PTDSS1: variants seen among roughly 807,000 people sequenced by gnomAD.
PTDSS1 encodes the protein PSS-1.
In PTDSS1, 45 loss-of-function variants were observed where a neutral mutation model predicts 70.5. The observed-to-expected ratio is 0.64, with a 90% CI of 0.50 to 0.82. PTDSS1 has a LOEUF of 0.82. PTDSS1 is among the 40% of genes least tolerant of loss of function. The pLI is 0.00. For missense variants in PTDSS1, 417 were observed against 586.1 expected (o/e 0.71, Z 2.98); for synonymous variants, 188 against 203.8 (o/e 0.92, Z 0.66).
intron 6 of PTDSS1, among the ~76,000 whole-genome samples, chr8:96,301,768 A>C (rs1279489868): frequency 6.6e-6 from 1 of 151,666 alleles, no homozygotes; most frequent in South Asian, 2.1e-4. Flanking sequence ...CGCCCGCCTC[A>C]GCCTCCCAAA....
intron 1 of PTDSS1, among the ~76,000 whole-genome samples, chr8:96,266,564 C>G (rs1270232160): frequency 6.6e-6 from 1 of 152,168 alleles, no homozygotes; most frequent in Admixed American, 6.5e-5. Context: ...GAAAATGTCC[C>G]CTGATACTGC....
chr8:96,273,061 G>A (rs562452344), intron 1 of PTDSS1, among the ~76,000 whole-genome samples: 2 of 152,122 alleles, frequency 1.3e-5, no homozygotes, highest in African/African-American at 2.4e-5. Flanking sequence ...TATATAGTCT[G>A]GTTTTATAAT....
At chr8:96,330,958 C>CT (rs759661688) in intron 11 of PTDSS1, 68 bp from the exon 12 acceptor site, 180 of 1,409,442 alleles carry the variant, frequency 1.3e-4, no homozygotes, top group Non-Finnish European at 1.7e-4. Context: ...GCATGCTCGC[C>CT]TTTTTGCCCT....
intron 9 of PTDSS1, among the ~76,000 whole-genome samples, chr8:96,310,842 T>C (rs1811200964): frequency 6.6e-6 from 1 of 151,994 alleles, no homozygotes; most frequent in Non-Finnish European, 1.5e-5. Flanking sequence ...CTCGGCTCAC[T>C]GCAACCTCCG....
At chr8:96,330,089 G>A (rs573949962) in intron 10 of PTDSS1, 124 bp from the exon 11 acceptor site, 120 of 898,550 alleles carry the variant, frequency 1.3e-4, no homozygotes, top group South Asian at 2.5e-4. Context: ...ACGTCCAGCC[G>A]TTTTGTAACC....
intron 9 of PTDSS1, among the ~76,000 whole-genome samples, chr8:96,317,465 T>G (rs560470628): frequency 1.3e-5 from 2 of 152,284 alleles, no homozygotes; most frequent in South Asian, 4.1e-4. Context: ...CCAGGTGCAG[T>G]GGCTCATACC....
At chr8:96,308,107 G>A (rs563168661) in intron 8 of PTDSS1, among the ~76,000 whole-genome samples, 1 of 152,316 alleles carries the variant, frequency 6.6e-6, no homozygotes, top group Non-Finnish European at 1.5e-5. Flanking sequence ...GTCCCGAGAG[G>A]AGAGAGAGTT....
intron 2 of PTDSS1, among the ~76,000 whole-genome samples, chr8:96,276,394 A>G (rs1463238723): frequency 2.6e-5 from 4 of 152,148 alleles, no homozygotes; most frequent in Admixed American, 2.6e-4. Flanking sequence ...CAGCTGCTCA[A>G]TCTCTCATTG....
At chr8:96,322,774 T>G (rs1354586570) in intron 10 of PTDSS1, among the ~76,000 whole-genome samples, 1 of 152,154 alleles carries the variant, frequency 6.6e-6, no homozygotes, top group Non-Finnish European at 1.5e-5. Flanking sequence ...CTCATCTAAA[T>G]CAGATATGAG....
chr8:96,317,440 A>G (rs1466725459), intron 9 of PTDSS1, among the ~76,000 whole-genome samples: 2 of 152,138 alleles, frequency 1.3e-5, no homozygotes. Flanking sequence ...GGTCTTCAGA[A>G]AAACTTCAGG....
intron 2 of PTDSS1, among the ~76,000 whole-genome samples, chr8:96,282,695 A>G (rs1325832978): frequency 6.6e-6 from 1 of 152,236 alleles, no homozygotes; most frequent in Admixed American, 6.5e-5. Context: ...AATATATTTC[A>G]ATGTGGTCTT....
Position 96,293,647 on chromosome 8 carries a change from C to A in PTDSS1, c.442-1451C>A, listed in dbSNP as rs535482159. Among the ~76,000 whole-genome samples the A allele has an allele frequency of 5.9e-5, 9 of 152,376 alleles. No individual in the cohort carries two copies. The East Asian group carries it at 1.5e-3, about 26-fold the overall frequency. On this transcript the variant is annotated intron_variant, in intron 4 of 12. Coordinates refer to ENST00000517309, the MANE Select transcript of PTDSS1 (RefSeq NM_014754.3). ...CATTACTAACTATACTGCAAATAGA[C>A]GGATTGGTCTTTATGATTTTTAAAA...
intron 5 of PTDSS1, among the ~76,000 whole-genome samples, chr8:96,296,798 C>T (rs1409573954): frequency 6.6e-6 from 1 of 152,170 alleles, no homozygotes; most frequent in Non-Finnish European, 1.5e-5. Flanking sequence ...GATGTGAAGC[C>T]CACGTTCCTG....
chr8:96,284,125 T>C lies in PTDSS1; in HGVS notation c.288T>C (p.Pro96=), dbSNP rs750536525. The change falls in exon 3 of 13, where the codon CCT becomes CCC. Residue 96 remains proline, a synonymous_variant. Coordinates refer to ENST00000517309, the MANE Select transcript of PTDSS1 (RefSeq NM_014754.3). ...LAFPNGPFTR[P]HPALWRMVFG... is the part of the protein sequence containing the mutation. Reference sequence around the variant, plus strand: ...TATCTGCAGGTCCGTTCACTCGACCTCATCCAGCCTTATGGCGAATGGTTT... The same window carrying C: ...TATCTGCAGGTCCGTTCACTCGACCCCATCCAGCCTTATGGCGAATGGTTT... The C allele has an allele frequency of 6.2e-7, 1 of 1,610,546 alleles. No homozygotes were observed. The highest frequency in any genetic ancestry group is 1.3e-5 in the African/African-American group (1 of 74,944).
chr8:96,332,761 C>T (rs1811535649), intron 12 of PTDSS1, among the ~76,000 whole-genome samples: 1 of 152,226 alleles, frequency 6.6e-6, no homozygotes, highest in Non-Finnish European at 1.5e-5. Flanking sequence ...ATGCTCCTTA[C>T]AGTGGAGACT....
At chr8:96,289,257 G>A (rs1020221107) in intron 4 of PTDSS1, among the ~76,000 whole-genome samples, 8 of 152,140 alleles carry the variant, frequency 5.3e-5, no homozygotes, top group African/African-American at 1.4e-4. Flanking sequence ...CTCCAGTCTT[G>A]CTCTCCTTTC....
intron 6 of PTDSS1, among the ~76,000 whole-genome samples, chr8:96,302,788 G>A (rs1026827881): frequency 1.3e-5 from 2 of 151,980 alleles, no homozygotes; most frequent in African/African-American, 4.8e-5. Context: ...CACCATGTTG[G>A]CCAGGCTGAT....
At chr8:96,295,047 C>T in intron 4 of PTDSS1, 51 bp from the exon 5 acceptor site, 1 of 1,514,180 alleles carries the variant, frequency 6.6e-7, no homozygotes, top group Non-Finnish European at 9.0e-7. Context: ...ATCCTGGAAG[C>T]AAGTTGATTT....
chr8:96,330,115 G>T lies in PTDSS1; in HGVS notation c.1174-98G>T, dbSNP rs1045634729. 3.4e-6 allele frequency: 4 copies of T among 1,167,516 alleles called. No individual in the cohort carries two copies. In the African/African-American group the frequency reaches 4.6e-5, roughly 13 times the overall value. 72.3% of individuals were successfully genotyped at this position (1,167,516 alleles called of 1,614,324 possible). A position where few individuals can be genotyped will look rare whatever the true frequency, so the allele number is the denominator to read the frequency against. Reference sequence around the variant, plus strand: ...TTTTGTAACCGGCGTCCAGACGGCAGAAATGCATTGAACGGTCCTGCATTG... The same window carrying T: ...TTTTGTAACCGGCGTCCAGACGGCATAAATGCATTGAACGGTCCTGCATTG... On this transcript the variant is annotated intron_variant, in intron 10 of 12. Coordinates refer to ENST00000517309, the MANE Select transcript of PTDSS1 (RefSeq NM_014754.3).
Sources: gnomAD v4.1 joint callset for allele counts (sites outside exome capture counted in the v4.1 genomes callset) on GRCh38, gnomAD v4.1.1 for gene constraint, MANE v1.5 for transcripts, NCBI Gene and HGNC (gene_info 2026-07-23, HGNC 2026-07-21) for gene names.